Variants in SLC22A31 observed in about 807,000 individuals in gnomAD.
The protein encoded by SLC22A31 is solute carrier family 22 member 31.
In SLC22A31, 42 loss-of-function variants were observed where a neutral mutation model predicts 27.4. The observed-to-expected ratio is 1.53, with a 90% CI of 1.20 to 1.98. The LOEUF (loss-of-function observed/expected upper bound fraction) is 1.98. Among genes scored for constraint, SLC22A31 ranks in the 30% most tolerant of loss-of-function variants. The probability of loss-of-function intolerance (pLI) is 0.00; values close to 1 mark genes in which losing one functional copy is unlikely to be tolerated. For synonymous variants in SLC22A31, 290 were observed against 230.8 expected (o/e 1.26, Z -2.33); for missense variants, 593 against 479.9 (o/e 1.24, Z -2.20).
chr16:89,199,090 C>G lies in SLC22A31; in HGVS notation c.385G>C (p.Val129Leu). Residue 129 changes from valine to leucine, a missense_variant, in exon 4 of 9, where the codon GTG (valine) becomes CTG (leucine). Transcript: ENST00000682282. ...CCCTGCAGAAGACGCCAGTCCTGCA[C>G]AAGCGCAGCCAGGCCGGGCAGCAGC... ...TLLLPGLAAL[V>L]QDWRLLQGLG... is the part of the protein sequence containing the mutation. 1 of 1,535,706 alleles carries G rather than the reference C, an allele frequency of 6.5e-7. No homozygotes were observed. The highest frequency in any genetic ancestry group is 8.7e-7 in the Non-Finnish European group (1 of 1,146,756).
In SLC22A31 at chr16:89,198,196, C is replaced by T. The variant is rs1353363305; in HGVS notation, c.848G>A (p.Gly283Glu). 3 of 1,535,672 alleles carry T rather than the reference C, an allele frequency of 2.0e-6. No individual in the cohort carries two copies. The highest frequency in any genetic ancestry group is 2.6e-6 in the Non-Finnish European group (3 of 1,146,882). Residue 283 changes from glycine (G) to glutamate (E), a missense_variant, in exon 7 of 9, where the codon GGA becomes GAA. Physicochemically the swap from Gly to Glu is moderately conservative, Grantham distance 98. Coordinates refer to ENST00000682282, the MANE Select transcript of SLC22A31 (RefSeq NM_001384763.1). ...GCCCAGCAGCAGCACGGGGCGGCGT[C>T]CACAGCAATCTGCCGTCAGGAGCAG... The part of the protein sequence containing the change: ...VFLLLTADCC[G>E]RRPVLLLGTM...
At chr16:89,199,631 T>C (rs188792836) in intron 2 of SLC22A31, 64 bp from the exon 3 acceptor site, 163 of 406,988 alleles carry the variant, frequency 4.0e-4, no homozygotes, top group Non-Finnish European at 1.4e-4. Context: ...ACCTTCATCC[T>C]GGCAGCACCA....
rs1415942507 is a variant in SLC22A31 at position 89,196,240 on chromosome 16, G to A, written c.1100C>T (p.Thr367Ile). 6.5e-7 allele frequency: 1 copy of A among 1,534,086 alleles called. No individual in the cohort carries two copies. Among genetic ancestry groups the A allele is most frequent in the Non-Finnish European group, 8.7e-7 (1 of 1,146,348 alleles). Residue 367 changes from threonine to isoleucine, a missense_variant, in exon 9 of 9, where the codon ACC (threonine) becomes ATC (isoleucine). Physicochemically the swap from Thr to Ile is moderately conservative, Grantham distance 89. Coordinates refer to ENST00000682282, the MANE Select transcript of SLC22A31 (RefSeq NM_001384763.1). Reference sequence around the variant, plus strand: ...GAAGAAGCCCTGCCGGCCGTGCAGGGTGTCCAGGGGGCCGGCTGCCTGGCC... The same window carrying A: ...GAAGAAGCCCTGCCGGCCGTGCAGGATGTCCAGGGGGCCGGCTGCCTGGCC... ...FLGQAAGPLD[T>I]LHGRQGFFLQ...
chr16:89,197,675 G>A (rs2151610927), intron 7 of SLC22A31, among the ~76,000 whole-genome samples: 1 of 152,320 alleles, frequency 6.6e-6, no homozygotes, highest in Non-Finnish European at 1.5e-5. Flanking sequence ...AGCTACTGCT[G>A]TGCTGTCCAC....
Position 89,196,532 on chromosome 16 carries a change from C to A in SLC22A31, c.1035-227G>T. ...CAGATTGGGGGACACACATGTGACTCCAGAGTGAGCAGGGGGAAGGCCCGG... is the reference window on the plus strand; with the variant it reads ...CAGATTGGGGGACACACATGTGACTACAGAGTGAGCAGGGGGAAGGCCCGG... On this transcript the variant is annotated intron_variant, in intron 8 of 8. Transcript: ENST00000682282. The A allele has an allele frequency of 4.1e-6, 3 of 734,316 alleles. No individual in the cohort carries two copies. The Admixed American group carries it at 9.1e-5, about 22-fold the overall frequency. The allele number at this position is 734,316 out of a possible 1,614,324, so 45.5% of individuals were successfully genotyped here.
At chr16:89,200,432 C>T (rs1916470031) in intron 1 of SLC22A31, 46 bp downstream of exon 1, 2 of 152,602 alleles carry the variant, frequency 1.3e-5, no homozygotes, top group Admixed American at 6.5e-5. Flanking sequence ...GCTTAATCTA[C>T]TGCTGGGGGC....
At chr16:89,197,161 C>G (rs755669190) in intron 8 of SLC22A31, 137 bp downstream of exon 8, 6 of 645,208 alleles carry the variant, frequency 9.3e-6, no homozygotes, top group South Asian at 3.9e-5. Context: ...TGCTTTACCC[C>G]GAGTCCTTAC....
chr16:89,197,851 G>T (rs550313954), intron 7 of SLC22A31, among the ~76,000 whole-genome samples: 1 of 152,216 alleles, frequency 6.6e-6, no homozygotes, highest in Non-Finnish European at 1.5e-5. Flanking sequence ...TCTGGGCAGA[G>T]CTTTTACCCA....
rs755196390 is a variant in SLC22A31, at chr16:89,198,487, C to A, written c.662G>T (p.Arg221Leu). The stretch of plus-strand genomic sequence containing the variant: ...CCCGTTTCTCCAGGTGACTCGGGTA[C>A]GCAGAAGCCCCAGTGGGGAGTGGTA... ...PRYHSPLGLLRTRVTWRNGLI... is the reference protein window; with the variant it reads ...PRYHSPLGLLLTRVTWRNGLI... The change falls in exon 6 of 9, where the codon CGT (arginine) becomes CTT (leucine). Residue 221 changes from arginine (R) to leucine (L), a missense_variant. Transcript: ENST00000682282. 2.1e-5 allele frequency: 32 copies of A among 1,519,362 alleles called. No homozygotes were observed. Among genetic ancestry groups the A allele is most frequent in the Non-Finnish European group, 2.8e-5 (32 of 1,138,076 alleles). The allele number at this position is 1,519,362 out of a possible 1,614,324, so 94.1% of individuals were successfully genotyped here.
In SLC22A31 at chr16:89,196,066, T is replaced by C. The variant is rs1352436437; in HGVS notation, c.1274A>G (p.Gln425Arg). ...RSPLLRGRPR[Q>R]DHLPLLPPSN... ...GGGCGGCAGCAGAGGCAGGTGGTCC[T>C]GGCGGGGGCGGCCCCGCAGGAGTGG... Residue 425 changes from glutamine (Q) to arginine (R), a missense_variant, in exon 9 of 9, where the codon CAG becomes CGG. Physicochemically the swap from Gln to Arg is conservative, Grantham distance 43. Coordinates refer to ENST00000682282, the MANE Select transcript of SLC22A31 (RefSeq NM_001384763.1). 1.3e-6 allele frequency: 2 copies of C among 1,531,210 alleles called. No homozygotes were observed. The highest frequency in any genetic ancestry group is 2.0e-5 in the Admixed American group (1 of 50,820). The allele number at this position is 1,531,210 out of a possible 1,614,324, so 94.9% of individuals were successfully genotyped here. A position where few individuals can be genotyped will look rare whatever the true frequency, so the allele number is the denominator to read the frequency against.
upstream of SLC22A31, chr16:89,201,152 C>G (rs1339177008): frequency 1.1e-5 from 4 of 377,634 alleles, no homozygotes; most frequent in African/African-American, 8.4e-5. Context: ...CCCAGGAGGA[C>G]GGCCGGGGGG....
upstream of SLC22A31, chr16:89,201,341 C>T (rs1289147169): frequency 2.6e-5 from 8 of 307,594 alleles, no homozygotes; most frequent in Admixed American, 1.2e-4. Flanking sequence ...GGTGCCGTTG[C>T]GTGCGGGCGC....
At chr16:89,199,283 A>G in intron 3 of SLC22A31, 92 bp from the exon 4 acceptor site, 5 of 1,301,366 alleles carry the variant, frequency 3.8e-6, no homozygotes, top group Non-Finnish European at 5.1e-6. Context: ...TGACCTGCCC[A>G]GGAGCGGGAT....
At chr16:89,201,125 C>A (rs563695107), upstream of SLC22A31, 123 of 376,738 alleles carry the variant, frequency 3.3e-4, no homozygotes, top group Non-Finnish European at 5.2e-4. Flanking sequence ...GGCCGGCGGC[C>A]GCCCCGGAGC....
chr16:89,201,217 GC>G (rs1916585793), upstream of SLC22A31: 1 of 374,962 alleles, frequency 2.7e-6, no homozygotes, highest in South Asian at 1.3e-4. Flanking sequence ...GCCTCGGCGG[GC>G]TGGGGGCGGG....
At position 89,198,747 on chromosome 16, in the gene SLC22A31, T is replaced by C; in HGVS notation, c.503A>G (p.Gln168Arg). The change falls in exon 5 of 9, where the codon CAG becomes CGG. Residue 168 changes from glutamine to arginine, a missense_variant. By Grantham distance (43) the Gln-to-Arg change is conservative. Coordinates refer to ENST00000682282, the MANE Select transcript of SLC22A31 (RefSeq NM_001384763.1). ...ESPCWLLATG[Q>R]VARARKILWR... is the part of the protein sequence containing the mutation. ...CAGGATCTTCCTGGCTCGAGCTACC[T>C]GACCTGTGGCCAGCAGCCAGCAGGG... is the stretch of plus-strand genomic sequence containing the variant. 6.5e-7 allele frequency: 1 copy of C among 1,535,444 alleles called. No homozygotes were observed. The highest frequency in any genetic ancestry group is 8.7e-7 in the Non-Finnish European group (1 of 1,146,518).
upstream of SLC22A31, among the ~76,000 whole-genome samples, chr16:89,200,675 G>C (rs978084395): frequency 1.3e-5 from 2 of 152,150 alleles, no homozygotes; most frequent in African/African-American, 4.8e-5. Context: ...TGGGGGCCTC[G>C]GGGTAAAGGC....
At chr16:89,196,481 T>G in intron 8 of SLC22A31, 176 bp from the exon 9 acceptor site, 1 of 1,227,680 alleles carries the variant, frequency 8.1e-7, no homozygotes, top group Non-Finnish European at 1.1e-6. Flanking sequence ...TGGGAGAGAG[T>G]GCGTTGGGGG....
At chr16:89,196,743 C>A (rs1448427572) in intron 8 of SLC22A31, among the ~76,000 whole-genome samples, 2 of 151,984 alleles carry the variant, frequency 1.3e-5, no homozygotes, top group Admixed American at 6.5e-5. Context: ...GTCAGGAGAT[C>A]GAGACCATCC....
Sources: gnomAD v4.1 joint callset for allele counts (sites outside exome capture counted in the v4.1 genomes callset) on GRCh38, gnomAD v4.1.1 for gene constraint, MANE v1.5 for transcripts, NCBI Gene and HGNC (gene_info 2026-07-23, HGNC 2026-07-21) for gene names.